HOXA3: variants seen among roughly 807,000 people sequenced by gnomAD.
HOXA3 encodes homeobox A3.
A neutral mutation model predicts 30.3 loss-of-function variants in HOXA3; 8 were observed. The ratio of observed to expected loss-of-function variants is 0.26; its 90% CI spans 0.15 to 0.48. The LOEUF is 0.48. Ranked by LOEUF, HOXA3 falls within the 20% of genes least tolerant of loss-of-function variation. The pLI, the probability that HOXA3 is intolerant of heterozygous loss-of-function variation, is 0.99. For synonymous variants in HOXA3, 323 were observed against 273.1 expected (o/e 1.18, Z -1.80); for missense variants, 653 against 614.4 (o/e 1.06, Z -0.66).
chr7:27,121,980 C>G (rs192576441), intron 4 of HOXA3: 24 of 153,068 alleles, frequency 1.6e-4, no homozygotes, highest in Admixed American at 1.3e-3. Context: ...CGATGATGAG[C>G]CCTGATGAAA....
chr7:27,151,661 C>A (rs1293312635), intron 1 of HOXA3: 4 of 456,646 alleles, frequency 8.8e-6, no homozygotes, highest in Non-Finnish European at 1.8e-5. Flanking sequence ...CGGCAACGAG[C>A]GGAGAACTCT....
chr7:27,110,025 T>A, intron 5 of HOXA3, 90 bp downstream of exon 5: 2 of 1,490,042 alleles, frequency 1.3e-6, no homozygotes, highest in South Asian at 2.3e-5. Context: ...ACATGCTCCA[T>A]CGCTCCTAGG....
rs373164884 is a variant in HOXA3, at chr7:27,141,860, G to A, written c.-493-1674C>T. On this transcript the variant is annotated intron_variant, in intron 1 of 5. Coordinates refer to ENST00000612286, the MANE Select transcript of HOXA3 (RefSeq NM_153631.3). The stretch of plus-strand genomic sequence containing the variant: ...TCAGGGACGGAAGGCCCCTCCTGCC[G>A]CGGCCATGCTCATGCTTTTCAGCTT... The A allele has an allele frequency of 9.7e-5, 157 of 1,614,062 alleles. 1 individual carries two copies. The highest frequency in any genetic ancestry group is 7.4e-4 in the South Asian group (67 of 91,070).
intron 2 of HOXA3, chr7:27,128,516 G>T (rs1207465179): frequency 6.6e-6 from 1 of 152,210 alleles, no homozygotes; most frequent in Non-Finnish European, 1.5e-5. Context: ...ATGAATCTTA[G>T]ATTTTTAATG....
chr7:27,129,458 G>A (rs982239162), intron 2 of HOXA3: 2 of 1,614,158 alleles, frequency 1.2e-6, no homozygotes, highest in Admixed American at 1.7e-5. Context: ...TCGATGCGGC[G>A]CCGCCGGGTC....
chr7:27,126,435 G>T (rs1425025228), intron 3 of HOXA3, among the ~76,000 whole-genome samples: 2 of 146,994 alleles, frequency 1.4e-5, no homozygotes, highest in Non-Finnish European at 3.0e-5. Context: ...GGCCAGTAGG[G>T]TTTGCTTAAA....
chr7:27,119,847 C>T (rs1435726136), intron 4 of HOXA3, among the ~76,000 whole-genome samples: 1 of 152,154 alleles, frequency 6.6e-6, no homozygotes, highest in African/African-American at 2.4e-5. Flanking sequence ...CTGGCCTAAG[C>T]TGGTGACAAT....
chr7:27,119,119 A>C (rs1174661685), intron 4 of HOXA3, among the ~76,000 whole-genome samples: 1 of 151,448 alleles, frequency 6.6e-6, no homozygotes, highest in Non-Finnish European at 1.5e-5. Context: ...AAAATATCAG[A>C]GGAAATGATC....
intron 1 of HOXA3, among the ~76,000 whole-genome samples, chr7:27,146,615 G>C (rs1477375628): frequency 6.6e-6 from 1 of 152,172 alleles, no homozygotes; most frequent in African/African-American, 2.4e-5. Context: ...AGGTAGTCTA[G>C]GATTTCTGGC....
In HOXA3 at chr7:27,107,899, A is replaced by T. The variant is rs2128037458; in HGVS notation, c.*16T>A. 1 of 1,501,932 alleles carries T rather than the reference A, an allele frequency of 6.7e-7. No individual in the cohort carries two copies. Among genetic ancestry groups the T allele is most frequent in the African/African-American group, 1.4e-5 (1 of 70,880 alleles). The allele number at this position is 1,501,932 out of a possible 1,614,324, so 93.0% of individuals were successfully genotyped here. ...GTGGGGGGAGACTCTCCTGGCGCGT[A>T]GCCCCAAGCCCACTATCACAGGTGG... On this transcript the variant is annotated 3_prime_UTR_variant, in exon 6 of 6. Transcript: ENST00000612286.
chr7:27,108,714 C>T lies in HOXA3; in HGVS notation c.533G>A (p.Ser178Asn). The T allele has an allele frequency of 6.3e-7, 1 of 1,596,176 alleles. No homozygotes were observed. The highest frequency in any genetic ancestry group is 1.7e-5 in the Admixed American group (1 of 59,064). Residue 178 changes from serine (S) to asparagine (N), a missense_variant, in exon 6 of 6, where the codon AGC (serine) becomes AAC (asparagine). Around this residue, in one of 3 missense-constraint regions of HOXA3, gnomAD observed 320 missense variants for 321.9 expected, o/e 0.99. Transcript: ENST00000612286. This position sits in a 1 kb window ranked among gnomAD's most constrained non-coding sequence, Gnocchi z 5.0. ...QKTSSSSSGESCAGDKSPPGQ... is the reference protein window; with the variant it reads ...QKTSSSSSGENCAGDKSPPGQ... ...CGGCGGGCTCTTGTCGCCAGCGCAG[C>T]TTTCGCCTGCGAGGACAGAGAGAGG...
chr7:27,139,856 T>C (rs1367175326), intron 2 of HOXA3, among the ~76,000 whole-genome samples: 1 of 152,144 alleles, frequency 6.6e-6, no homozygotes, highest in African/African-American at 2.4e-5. Context: ...GTGCTGCAAT[T>C]AAAGTTAGGC....
intron 2 of HOXA3, among the ~76,000 whole-genome samples, chr7:27,136,285 A>G (rs79208955): frequency 0.011 from 1,622 of 152,280 alleles, 25 homozygotes; most frequent in East Asian, 0.077. Flanking sequence ...GGTGAAATGG[A>G]TATTTTTGTG....
chr7:27,115,344 T>C (rs1784658554), intron 4 of HOXA3: 1 of 152,232 alleles, frequency 6.6e-6, no homozygotes, highest in South Asian at 2.1e-4. Context: ...TTGCTCCTTA[T>C]GGCATATTGC....
chr7:27,138,690 G>C (rs1432284567), intron 2 of HOXA3, among the ~76,000 whole-genome samples: 1 of 152,184 alleles, frequency 6.6e-6, no homozygotes. Flanking sequence ...AGGGGTGACT[G>C]GGGCCAATAT....
At chr7:27,126,589 T>C (rs1369475295) in intron 3 of HOXA3, among the ~76,000 whole-genome samples, 1 of 152,198 alleles carries the variant, frequency 6.6e-6, no homozygotes, top group Admixed American at 6.6e-5. Context: ...AAAGGCCAAT[T>C]TGAAGCAGGC....
intron 1 of HOXA3, among the ~76,000 whole-genome samples, chr7:27,144,375 T>C (rs575463907): frequency 2.2e-4 from 33 of 152,364 alleles, no homozygotes; most frequent in African/African-American, 7.7e-4. Flanking sequence ...GACAGGCGTC[T>C]ATTAAAGATA....
intron 2 of HOXA3, chr7:27,130,342 T>G: frequency 8.9e-7 from 1 of 1,118,056 alleles, no homozygotes; most frequent in Non-Finnish European, 1.1e-6. Context: ...GTGGCTCGCA[T>G]GCAGGCCGTG....
In HOXA3 at chr7:27,108,687, C is replaced by T. The variant is rs778666410; in HGVS notation, c.560G>A (p.Gly187Glu). ...ESCAGDKSPP[G>E]QASSKRARTA... is the part of the protein sequence containing the mutation. ...GCGCGCGCGCTTGGACGAAGCCTGC[C>T]CCGGCGGGCTCTTGTCGCCAGCGCA... The change falls in exon 6 of 6, where the codon GGG (glycine) becomes GAG (glutamate). Residue 187 changes from glycine (G) to glutamate (E), a missense_variant. Around this residue, in one of 3 missense-constraint regions of HOXA3, gnomAD observed 320 missense variants for 321.9 expected, o/e 0.99. Transcript: ENST00000612286. The surrounding 1 kb of genome is among the most constrained non-coding windows in gnomAD (Gnocchi z 5.0). 7.5e-6 allele frequency: 12 copies of T among 1,607,088 alleles called. No individual in the cohort carries two copies. Among genetic ancestry groups the T allele is most frequent in the Middle Eastern group, 3.3e-4 (2 of 6,054 alleles).
Sources: allele counts gnomAD v4.1 joint callset (sites outside exome capture counted in the v4.1 genomes callset), GRCh38; gene constraint gnomAD v4.1.1; regional missense constraint gnomAD v4.1.1; non-coding constraint Gnocchi (gnomAD v3.1); transcripts MANE v1.5; gene names NCBI Gene and HGNC (gene_info 2026-07-23, HGNC 2026-07-21).